Variants in ULK4 observed in about 807,000 individuals in gnomAD.
ULK4 encodes unc-51 like kinase 4, also known as inactive serine/threonine-protein kinase ULK4.
Under a neutral mutation model 160.6 loss-of-function variants are expected in ULK4, and 133 were observed. The ratio of observed to expected loss-of-function variants is 0.83; its 90% CI spans 0.72 to 0.96. The LOEUF is 0.96. ULK4 is among the 40% of genes least tolerant of loss of function. The probability of loss-of-function intolerance (pLI) is 0.00; values close to 1 mark genes in which losing one functional copy is unlikely to be tolerated. For missense variants in ULK4, 1,580 were observed against 1,499.5 expected (o/e 1.05, Z -0.89); for synonymous variants, 534 against 539.8 (o/e 0.99, Z 0.15).
chr3:41,523,533 A>G (rs2086007276), intron 32 of ULK4, among the ~76,000 whole-genome samples: 1 of 152,216 alleles, frequency 6.6e-6, no homozygotes, highest in South Asian at 2.1e-4. Context: ...AATAAAAAAT[A>G]AATACTTGTA....
At chr3:41,484,477 G>A (rs1432875207) in intron 32 of ULK4, among the ~76,000 whole-genome samples, 1 of 57,676 alleles carries the variant, frequency 1.7e-5, no homozygotes, top group Non-Finnish European at 4.1e-5. Flanking sequence ...TTTTGAGATG[G>A]AGTCTCGCTC....
At chr3:41,420,103 A>G (rs2082626218) in intron 34 of ULK4, among the ~76,000 whole-genome samples, 1 of 151,944 alleles carries the variant, frequency 6.6e-6, no homozygotes, top group Non-Finnish European at 1.5e-5. Flanking sequence ...GAGAGACAGG[A>G]GATAAATGTA....
In ULK4 at chr3:41,297,475, G is replaced by T. The variant is rs777004668; in HGVS notation, c.3679-47901C>A. 7.9e-5 allele frequency among the ~76,000 whole-genome samples: 12 copies of T among 152,226 alleles called. No individual in the cohort carries two copies. The South Asian group carries it at 1.9e-3, about 24-fold the overall frequency. On this transcript the variant is annotated intron_variant, in intron 35 of 36. Coordinates refer to ENST00000301831, the MANE Select transcript of ULK4 (RefSeq NM_017886.4). ...CTGATGCTGAGCCCACTTAAAAGTGGAGTGGCAGAACCTTTTTTCCTTACC... is the reference window on the plus strand; with the variant it reads ...CTGATGCTGAGCCCACTTAAAAGTGTAGTGGCAGAACCTTTTTTCCTTACC...
At chr3:41,517,247 G>A (rs1237185247) in intron 32 of ULK4, among the ~76,000 whole-genome samples, 1 of 152,082 alleles carries the variant, frequency 6.6e-6, no homozygotes, top group Non-Finnish European at 1.5e-5. Context: ...GTGCAGCAAT[G>A]GTGCTATGAT....
intron 30 of ULK4, among the ~76,000 whole-genome samples, chr3:41,625,212 T>C (rs188403786): frequency 2.2e-4 from 34 of 152,338 alleles, no homozygotes. Context: ...TCGCACATAG[T>C]ATTGTTCTGT....
chr3:41,466,890 G>A (rs1360573456), intron 32 of ULK4, among the ~76,000 whole-genome samples: 2 of 151,778 alleles, frequency 1.3e-5, no homozygotes, highest in Non-Finnish European at 2.9e-5. Flanking sequence ...TTTAAAAATG[G>A]GTAAAATATG....
chr3:41,341,563 C>T (rs1259624447), intron 35 of ULK4, among the ~76,000 whole-genome samples: 1 of 152,168 alleles, frequency 6.6e-6, no homozygotes, highest in Non-Finnish European at 1.5e-5. Flanking sequence ...TGGAGCAGTG[C>T]TAAATCCAAC....
rs375164510 is a variant in ULK4 at position 41,648,888 on chromosome 3, C to G, written c.3071+14719G>C. The stretch of plus-strand genomic sequence containing the variant: ...GTGGCTCACACCTATAATCCCAGCA[C>G]TTTAGGAGGCCAAGGCGGGCAGATC... On this transcript the variant is annotated intron_variant, in intron 30 of 36. Transcript: ENST00000301831. Among the ~76,000 whole-genome samples the G allele has an allele frequency of 2.0e-4, 30 of 152,238 alleles. No homozygotes were observed. The East Asian group carries it at 5.6e-3, about 28-fold the overall frequency.
intron 31 of ULK4, among the ~76,000 whole-genome samples, chr3:41,575,854 T>C (rs780721293): frequency 1.9e-5 from 1 of 52,196 alleles, no homozygotes; most frequent in Non-Finnish European, 4.8e-5. Flanking sequence ...ATTTAGGCTT[T>C]AGCAGGAAGC....
chr3:41,332,860 G>A (rs1238632584), intron 35 of ULK4, among the ~76,000 whole-genome samples: 1 of 152,110 alleles, frequency 6.6e-6, no homozygotes, highest in South Asian at 2.1e-4. Flanking sequence ...TTTATGTTCA[G>A]GAGTACCCAA....
At position 41,600,070 on chromosome 3, in the gene ULK4, CCTT is replaced by C. The variant is rs1301837685; in HGVS notation, c.3120+15596_3120+15598del. Among the ~76,000 whole-genome samples, 5 of 152,244 alleles carry C rather than the reference CCTT, an allele frequency of 3.3e-5. No individual in the cohort carries two copies. In the East Asian group the frequency reaches 7.7e-4, roughly 24 times the overall value. On this transcript the variant is annotated intron_variant, in intron 31 of 36. Transcript: ENST00000301831. ...CTAAATGCAAATCTAATGACCAAAT[CCTT>C]CTTTAATAGCTTTCCAAGGCTCATC... is the stretch of plus-strand genomic sequence containing the variant.
chr3:41,903,006 G>A (rs554357782), intron 12 of ULK4, among the ~76,000 whole-genome samples: 2 of 152,282 alleles, frequency 1.3e-5, no homozygotes, highest in East Asian at 3.9e-4. Flanking sequence ...GGGAGCAATG[G>A]AGAACTGAGG....
At chr3:41,788,111 T>A (rs984257919) in intron 21 of ULK4, among the ~76,000 whole-genome samples, 2 of 152,226 alleles carry the variant, frequency 1.3e-5, no homozygotes, top group African/African-American at 4.8e-5. Context: ...AAAAAAATAC[T>A]GTCTCTGAGG....
chr3:41,619,881 T>TAAAGAA (rs2033157650), intron 30 of ULK4, among the ~76,000 whole-genome samples: 1 of 149,746 alleles, frequency 6.7e-6, no homozygotes, highest in Non-Finnish European at 1.5e-5. Context: ...GCTAGACTAA[T>TAAAGAA]AAAAAGAGAG....
intron 31 of ULK4, among the ~76,000 whole-genome samples, chr3:41,575,454 C>T (rs1488416844): frequency 6.6e-6 from 1 of 152,058 alleles, no homozygotes; most frequent in East Asian, 1.9e-4. Context: ...TTTCTCCCCT[C>T]GGTAGCCAAA....
chr3:41,818,517 A>G (rs1173042095), intron 19 of ULK4, among the ~76,000 whole-genome samples: 2 of 152,242 alleles, frequency 1.3e-5, no homozygotes, highest in Non-Finnish European at 2.9e-5. Context: ...CTTAATTCTC[A>G]TATTATTGAC....
chr3:41,558,381 A>G (rs1233558434), intron 32 of ULK4, among the ~76,000 whole-genome samples: 1 of 152,148 alleles, frequency 6.6e-6, no homozygotes, highest in Non-Finnish European at 1.5e-5. Context: ...AAAAAATATT[A>G]CCAGCATTGA....
At chr3:41,335,515 A>G (rs1275266482) in intron 35 of ULK4, among the ~76,000 whole-genome samples, 1 of 152,204 alleles carries the variant, frequency 6.6e-6, no homozygotes, top group Non-Finnish European at 1.5e-5. Flanking sequence ...TAAGAAATGG[A>G]GAAATAGTGA....
At chr3:41,764,577 A>T (rs2039096999) in intron 21 of ULK4, among the ~76,000 whole-genome samples, 1 of 152,240 alleles carries the variant, frequency 6.6e-6, no homozygotes, top group African/African-American at 2.4e-5. Flanking sequence ...CAAAGAAAAC[A>T]AAAAACTTAA....
Sources: gnomAD v4.1 joint callset for allele counts (sites outside exome capture counted in the v4.1 genomes callset) on GRCh38, gnomAD v4.1.1 for gene constraint, MANE v1.5 for transcripts, NCBI Gene and HGNC (gene_info 2026-07-23, HGNC 2026-07-21) for gene names.